HADHB: variants seen among roughly 807,000 people sequenced by gnomAD.
The protein encoded by HADHB is hydroxyacyl-CoA dehydrogenase trifunctional multienzyme complex subunit beta.
Under a neutral mutation model 61.9 loss-of-function variants are expected in HADHB, and 50 were observed. That is an observed-to-expected ratio of 0.81 (90% CI 0.64 to 1.02). HADHB has a LOEUF of 1.02. Ranked by LOEUF, HADHB falls within the 50% of genes least tolerant of loss-of-function variation. The pLI is 0.00. For synonymous variants in HADHB, 191 were observed against 201.6 expected (o/e 0.95, Z 0.45); for missense variants, 504 against 586.5 (o/e 0.86, Z 1.45).
chr2:26,287,959 A>T (rs1008681032), intron 15 of HADHB, among the ~76,000 whole-genome samples: 1 of 152,156 alleles, frequency 6.6e-6, no homozygotes, highest in African/African-American at 2.4e-5. Flanking sequence ...ACATGAAAAC[A>T]GTGTGTTTAA....
In HADHB at chr2:26,251,244, G is replaced by A. The variant is rs1159763616; in HGVS notation, c.-8-3003G>A. Reference sequence around the variant, plus strand: ...ACTCTGTTGCCCAGGCTTGAGTACAGTAGCGTGATCATGGCTCACTGCAGC... The same window carrying A: ...ACTCTGTTGCCCAGGCTTGAGTACAATAGCGTGATCATGGCTCACTGCAGC... On this transcript the variant is annotated intron_variant, in intron 1 of 15. Transcript: ENST00000317799. Among the ~76,000 whole-genome samples, 3 of 152,066 alleles carry A rather than the reference G, an allele frequency of 2.0e-5. No homozygotes were observed. The East Asian group carries it at 5.8e-4, about 29-fold the overall frequency.
At position 26,249,518 on chromosome 2, in the gene HADHB, T is replaced by A. The variant is rs1414290107; in HGVS notation, c.-9+4528T>A. Reference sequence around the variant, plus strand: ...AGAGTGAGACTCCGTCTCAAAAAAATAAATAAATAAATAAAGGAGATTTAT... The same window carrying A: ...AGAGTGAGACTCCGTCTCAAAAAAAAAAATAAATAAATAAAGGAGATTTAT... On this transcript the variant is annotated intron_variant, in intron 1 of 15. Transcript: ENST00000317799. Among the ~76,000 whole-genome samples the A allele has an allele frequency of 4.6e-5, 7 of 151,756 alleles. No homozygotes were observed. The South Asian group carries it at 8.3e-4, about 18-fold the overall frequency.
chr2:26,256,966 C>T (rs1037820680), intron 3 of HADHB, among the ~76,000 whole-genome samples: 1 of 152,112 alleles, frequency 6.6e-6, no homozygotes, highest in Non-Finnish European at 1.5e-5. Flanking sequence ...TCTGCTGTGG[C>T]CTCAATCAGT....
intron 4 of HADHB, among the ~76,000 whole-genome samples, chr2:26,264,090 T>C (rs1181506408): frequency 6.6e-6 from 1 of 152,196 alleles, no homozygotes; most frequent in African/African-American, 2.4e-5. Context: ...GTTTAAACTG[T>C]TCATTCTATT....
intron 4 of HADHB, among the ~76,000 whole-genome samples, chr2:26,264,461 G>A (rs1485756419): frequency 6.8e-6 from 1 of 146,166 alleles, no homozygotes; most frequent in East Asian, 2.0e-4. Context: ...GAGGTGGGAG[G>A]ATCACTTGAG....
At chr2:26,289,301 T>G (rs1442999767) in intron 15 of HADHB, among the ~76,000 whole-genome samples, 1 of 152,090 alleles carries the variant, frequency 6.6e-6, no homozygotes, top group East Asian at 1.9e-4. Flanking sequence ...TTCTTCCCTT[T>G]GTGGTCCCTC....
At chr2:26,289,736 C>A (rs1230495005) in intron 15 of HADHB, among the ~76,000 whole-genome samples, 182 bp from the exon 16 acceptor site, 2 of 152,058 alleles carry the variant, frequency 1.3e-5, no homozygotes, top group African/African-American at 4.8e-5. Flanking sequence ...ACTATGAGCC[C>A]CATTTTGTAG....
Position 26,260,237 on chromosome 2 carries a change from G to A in HADHB, c.110-3143G>A, listed in dbSNP as rs533151718. Among the ~76,000 whole-genome samples, 179 of 151,790 alleles carry A rather than the reference G, an allele frequency of 1.2e-3. 1 individual carries two copies. The highest frequency in any genetic ancestry group is 0.01 in the Middle Eastern group (3 of 292). On this transcript the variant is annotated intron_variant, in intron 3 of 15. Transcript: ENST00000317799. ...GCTGGGATTATAGGAGCGTACCACC[G>A]TGCCCAGCTAATTTTTGTATTTTTA... is the stretch of plus-strand genomic sequence containing the variant.
Position 26,279,997 on chromosome 2 carries a change from A to G in HADHB, c.815A>G (p.Lys272Arg). 6.2e-7 allele frequency: 1 copy of G among 1,607,800 alleles called. No individual in the cohort carries two copies. The highest frequency in any genetic ancestry group is 1.3e-5 in the African/African-American group (1 of 74,916). ...SDVVPFKVPG[K>R]DTVTKDNGIR... ...AAAAAATTCATTTTTTTAATAGGAAAAGATACAGTTACCAAAGATAATGGC... is the reference window on the plus strand; with the variant it reads ...AAAAAATTCATTTTTTTAATAGGAAGAGATACAGTTACCAAAGATAATGGC... The change falls in exon 10 of 16, where the codon AAA becomes AGA. Residue 272 changes from lysine (K) to arginine (R), a missense_variant. Lys to Arg is a conservative substitution (Grantham distance 26). Transcript: ENST00000317799.
At chr2:26,273,842 A>G in intron 6 of HADHB, 92 bp downstream of exon 6, 2 of 749,118 alleles carry the variant, frequency 2.7e-6, no homozygotes, top group Non-Finnish European at 4.8e-6. Flanking sequence ...AAGCCTTTAA[A>G]ATCTATTGAG....
intron 3 of HADHB, chr2:26,260,884 C>A: frequency 1.6e-6 from 1 of 643,000 alleles, no homozygotes; most frequent in African/African-American, 1.8e-5. Flanking sequence ...CAAACTCTGG[C>A]TTACGAATGA....
At chr2:26,288,346 T>C (rs1242672273) in intron 15 of HADHB, among the ~76,000 whole-genome samples, 1 of 152,136 alleles carries the variant, frequency 6.6e-6, no homozygotes, top group Non-Finnish European at 1.5e-5. Flanking sequence ...ATGAATTCTT[T>C]CAGGACAACC....
intron 4 of HADHB, among the ~76,000 whole-genome samples, chr2:26,269,534 T>G (rs2147816066): frequency 6.6e-6 from 1 of 152,238 alleles, no homozygotes; most frequent in Non-Finnish European, 1.5e-5. Flanking sequence ...TCAAGTTACT[T>G]AAAAGCAAAA....
intron 3 of HADHB, among the ~76,000 whole-genome samples, chr2:26,258,997 G>GCCTCTCACCATGATGAAAC (rs1016743541): frequency 4.6e-5 from 7 of 152,136 alleles, no homozygotes; most frequent in Non-Finnish European, 1.0e-4. Context: ...AGCTAGTCCT[G>GCCTCTCACCATGATGAAAC]CCTCTCACCA....
At chr2:26,245,518 C>T (rs1474569053) in intron 1 of HADHB, 1 of 151,858 alleles carries the variant, frequency 6.6e-6, no homozygotes, top group East Asian at 1.9e-4. Flanking sequence ...CCAGATAATC[C>T]TGCGCTCTCG....
Position 26,284,204 on chromosome 2 carries a change from G to A in HADHB, c.1149G>A (p.Ser383=), listed in dbSNP as rs772392690. The A allele has an allele frequency of 7.3e-6, 11 of 1,508,050 alleles. No homozygotes were observed. Among genetic ancestry groups the A allele is most frequent in the Middle Eastern group, 1.7e-4 (1 of 5,872 alleles). 93.4% of individuals were successfully genotyped at this position (1,508,050 alleles called of 1,614,324 possible). A position where few individuals can be genotyped will look rare whatever the true frequency, so the allele number is the denominator to read the frequency against. Residue 383 remains serine (S), a splice_region_variant and synonymous_variant, in exon 13 of 16, where the codon TCG becomes TCA. Coordinates refer to ENST00000317799, the MANE Select transcript of HADHB (RefSeq NM_000183.3). ...IDAFEFHEAF[S]GQILANFKAM... ...CTTTTGAATTTCATGAAGCTTTCTC[G>A]GTAAGTAATTTGAAAGACACATATG...
intron 1 of HADHB, among the ~76,000 whole-genome samples, chr2:26,248,058 C>T (rs1671235044): frequency 6.6e-6 from 1 of 152,122 alleles, no homozygotes; most frequent in African/African-American, 2.4e-5. Context: ...TTTTCTCTTT[C>T]TCTCTTTCTG....
At chr2:26,257,495 T>C (rs1448412521) in intron 3 of HADHB, among the ~76,000 whole-genome samples, 2 of 151,904 alleles carry the variant, frequency 1.3e-5, no homozygotes, top group Non-Finnish European at 2.9e-5. Flanking sequence ...TTCTTCCCAG[T>C]TTATTGGGGG....
intron 10 of HADHB, among the ~76,000 whole-genome samples, chr2:26,281,417 T>C (rs767069561): frequency 3.9e-5 from 6 of 152,200 alleles, no homozygotes; most frequent in Non-Finnish European, 8.8e-5. Flanking sequence ...GAGTGGAATC[T>C]GGAGTAGTTC....
Sources: allele counts gnomAD v4.1 joint callset (sites outside exome capture counted in the v4.1 genomes callset), GRCh38; gene constraint gnomAD v4.1.1; transcripts MANE v1.5; gene names NCBI Gene and HGNC (gene_info 2026-07-23, HGNC 2026-07-21).